Variants in YWHAB observed in about 807,000 individuals in gnomAD.
YWHAB encodes 14-3-3 protein beta/alpha.
Under a neutral mutation model 28.5 loss-of-function variants are expected in YWHAB, and 2 were observed. That is an observed-to-expected ratio of 0.07 (90% CI 0.03 to 0.22). YWHAB has a LOEUF of 0.22. YWHAB is among the 10% of genes least tolerant of loss of function. The probability of loss-of-function intolerance (pLI) is 1.00; values close to 1 mark genes in which losing one functional copy is unlikely to be tolerated. For missense variants in YWHAB, 148 were observed against 297.1 expected (o/e 0.50, Z 3.69); for synonymous variants, 103 against 104.7 (o/e 0.98, Z 0.10).
rs377735011 is a variant in YWHAB, at chr20:44,904,925, A to G, written c.425-43A>G. ...ATAGTTGGTCCAATGTGTGATACCT[A>G]TGAAAGAACCGAGCCTTTAATATTT... On this transcript the variant is annotated intron_variant, in intron 3 of 5. Transcript: ENST00000353703. The G allele has an allele frequency of 2.8e-5, 44 of 1,547,432 alleles. 1 individual carries two copies. Among genetic ancestry groups the G allele is most frequent in the African/African-American group, 1.2e-4 (9 of 72,388 alleles).
At chr20:44,901,475 TC>T in intron 1 of YWHAB, 55 bp from the exon 2 acceptor site, 1 of 1,511,052 alleles carries the variant, frequency 6.6e-7, no homozygotes, top group South Asian at 1.3e-5. Flanking sequence ...CACACACGTT[TC>T]CTAGGCCCCG....
chr20:44,891,249 G>A (rs1008031267), intron 1 of YWHAB, among the ~76,000 whole-genome samples: 10 of 151,968 alleles, frequency 6.6e-5, no homozygotes, highest in Middle Eastern at 3.4e-3. Flanking sequence ...GATTACAGGC[G>A]CCTGCCACTA....
At chr20:44,895,775 G>A (rs148767061) in intron 1 of YWHAB, among the ~76,000 whole-genome samples, 3 of 152,310 alleles carry the variant, frequency 2.0e-5, no homozygotes, top group African/African-American at 7.2e-5. Flanking sequence ...CTGGAAGAGT[G>A]AATTACTCTT....
At chr20:44,891,390 C>T (rs891353700) in intron 1 of YWHAB, among the ~76,000 whole-genome samples, 11 of 152,198 alleles carry the variant, frequency 7.2e-5, no homozygotes, top group African/African-American at 2.7e-4. Context: ...CAGGCGTGAG[C>T]CACCACGCCC....
chr20:44,904,196 TTTG>T (rs950227163), intron 3 of YWHAB, 80 bp downstream of exon 3: 1 of 1,567,114 alleles, frequency 6.4e-7, no homozygotes, highest in African/African-American at 1.4e-5. Context: ...CGATTTTTGC[TTTG>T]TTCGCCATAG....
chr20:44,906,258 C>A, intron 5 of YWHAB, 124 bp from the exon 6 acceptor site: 2 of 1,178,310 alleles, frequency 1.7e-6, no homozygotes, highest in Non-Finnish European at 2.5e-6. Flanking sequence ...TTGCAATCAT[C>A]CCTGTCTGCA....
chr20:44,894,999 C>G lies in YWHAB; in HGVS notation c.-3-6532C>G, dbSNP rs2066587705. Among the ~76,000 whole-genome samples the G allele has an allele frequency of 3.9e-5, 6 of 152,230 alleles. No homozygotes were observed. The South Asian group carries it at 1.2e-3, about 31-fold the overall frequency. ...CATTAAATGTGAAACAAACATGAAG[C>G]TTTCCTTTGAGGGCACACACGTGAA... On this transcript the variant is annotated intron_variant, in intron 1 of 5. Transcript: ENST00000353703.
Position 44,885,802 on chromosome 20 carries a change from C to G in YWHAB, c.-88C>G. The G allele has an allele frequency of 5.8e-6, 1 of 170,952 alleles. No homozygotes were observed. Among genetic ancestry groups the G allele is most frequent in the Non-Finnish European group, 1.2e-5 (1 of 80,682 alleles). 10.6% of individuals were successfully genotyped at this position (170,952 alleles called of 1,614,324 possible). ...GCCACTGCAGGCACCGCTGCCGCCGCCTGAGTAGTGGGCTTAGGAAGGAAG... is the reference window on the plus strand; with the variant it reads ...GCCACTGCAGGCACCGCTGCCGCCGGCTGAGTAGTGGGCTTAGGAAGGAAG... On this transcript the variant is annotated 5_prime_UTR_variant, in exon 1 of 6. Transcript: ENST00000353703.
chr20:44,901,699 G>A lies in YWHAB; in HGVS notation c.166G>A (p.Ala56Thr), dbSNP rs779889895. 4 of 1,610,324 alleles carry A rather than the reference G, an allele frequency of 2.5e-6. No individual in the cohort carries two copies. Among genetic ancestry groups the A allele is most frequent in the East Asian group, 2.2e-5 (1 of 44,798 alleles). Residue 56 changes from alanine (A) to threonine (T), a missense_variant, in exon 2 of 6, where the codon GCC becomes ACC. Ala to Thr is a moderately conservative substitution (Grantham distance 58, BLOSUM62 0). Coordinates refer to ENST00000353703, the MANE Select transcript of YWHAB (RefSeq NM_139323.4). ...LSVAYKNVVG[A>T]RRSSWRVISS... Reference sequence around the variant, plus strand: ...TGTTGCCTACAAGAATGTGGTAGGCGCCCGCCGCTCTTCCTGGCGTGTCAT... The same window carrying A: ...TGTTGCCTACAAGAATGTGGTAGGCACCCGCCGCTCTTCCTGGCGTGTCAT...
rs2066672804 is a variant in YWHAB, at chr20:44,908,360, C to T, written c.*1922C>T. 6.6e-6 allele frequency: 1 copy of T among 152,548 alleles called. No homozygotes were observed. The highest frequency in any genetic ancestry group is 6.5e-5 in the Admixed American group (1 of 15,278). 9.4% of individuals were successfully genotyped at this position (152,548 alleles called of 1,614,324 possible). On this transcript the variant is annotated 3_prime_UTR_variant, in exon 6 of 6. Coordinates refer to ENST00000353703, the MANE Select transcript of YWHAB (RefSeq NM_139323.4). ...TGTGATGGTTATATTGCCTAGCAAGCACACCCGTGGTTGTGAAAATAGTAT... is the reference window on the plus strand; with the variant it reads ...TGTGATGGTTATATTGCCTAGCAAGTACACCCGTGGTTGTGAAAATAGTAT...
At chr20:44,897,702 G>C (rs2145532311) in intron 1 of YWHAB, among the ~76,000 whole-genome samples, 1 of 152,238 alleles carries the variant, frequency 6.6e-6, no homozygotes, top group East Asian at 1.9e-4. Context: ...ACCACGGTTG[G>C]TTGAATCTGT....
At chr20:44,888,552 G>A (rs182654451) in intron 1 of YWHAB, among the ~76,000 whole-genome samples, 1 of 152,316 alleles carries the variant, frequency 6.6e-6, no homozygotes, top group East Asian at 1.9e-4. Context: ...GGTAGAGACA[G>A]CACATGTATA....
intron 2 of YWHAB, chr20:44,902,626 T>G (rs2066634153): frequency 6.6e-6 from 1 of 152,198 alleles, no homozygotes; most frequent in African/African-American, 2.4e-5. Flanking sequence ...GACTCCTTTC[T>G]TTTGAAAACC....
chr20:44,900,884 T>G (rs534290112), intron 1 of YWHAB, among the ~76,000 whole-genome samples: 1 of 152,300 alleles, frequency 6.6e-6, no homozygotes, highest in Non-Finnish European at 1.5e-5. Context: ...CAAGCGATCC[T>G]CCTGCCTCAG....
At chr20:44,888,696 T>C (rs541238435) in intron 1 of YWHAB, among the ~76,000 whole-genome samples, 2 of 152,382 alleles carry the variant, frequency 1.3e-5, no homozygotes, top group East Asian at 3.9e-4. Context: ...ATACCCATTC[T>C]GGCCTGTAGG....
intron 1 of YWHAB, among the ~76,000 whole-genome samples, chr20:44,900,069 A>G (rs1477083779): frequency 6.6e-6 from 1 of 150,884 alleles, no homozygotes; most frequent in East Asian, 1.9e-4. Flanking sequence ...TTTTTTAGAG[A>G]CAGGGGTCTC....
At position 44,890,920 on chromosome 20, in the gene YWHAB, G is replaced by A. The variant is rs190188903; in HGVS notation, c.-4+5034G>A. On this transcript the variant is annotated intron_variant, in intron 1 of 5. Coordinates refer to ENST00000353703, the MANE Select transcript of YWHAB (RefSeq NM_139323.4). ...AATAAGCATAGGGAAATTGTTATGTGCCTTTCTTTTAAAAGTCTTTAAAGA... is the reference window on the plus strand; with the variant it reads ...AATAAGCATAGGGAAATTGTTATGTACCTTTCTTTTAAAAGTCTTTAAAGA... Among the ~76,000 whole-genome samples, 435 of 152,244 alleles carry A rather than the reference G, an allele frequency of 2.9e-3. 2 individuals are homozygous for A. Among genetic ancestry groups the A allele is most frequent in the African/African-American group, 0.01 (420 of 41,546 alleles).
intron 1 of YWHAB, among the ~76,000 whole-genome samples, chr20:44,888,807 A>G (rs1346942529): frequency 6.6e-6 from 1 of 152,226 alleles, no homozygotes; most frequent in Non-Finnish European, 1.5e-5. Context: ...TTACTTTGGC[A>G]TAGAATTTTA....
intron 1 of YWHAB, chr20:44,887,536 A>T (rs2066535671): frequency 6.6e-6 from 1 of 152,212 alleles, no homozygotes; most frequent in African/African-American, 2.4e-5. Context: ...TACATTTCAC[A>T]TCTTGCAGTG....
Sources: gnomAD v4.1 joint callset for allele counts (sites outside exome capture counted in the v4.1 genomes callset) on GRCh38, gnomAD v4.1.1 for gene constraint, MANE v1.5 for transcripts, NCBI Gene and HGNC (gene_info 2026-07-23, HGNC 2026-07-21) for gene names.